PPFIA2: variants seen among roughly 807,000 people sequenced by gnomAD.
The protein encoded by PPFIA2 is PPFI scaffold protein A2.
A neutral mutation model predicts 175.5 loss-of-function variants in PPFIA2; 46 were observed. That is an observed-to-expected ratio of 0.26 (90% CI 0.21 to 0.34). PPFIA2 has a LOEUF of 0.34. Among genes scored for constraint, PPFIA2 ranks in the 10% least tolerant of loss-of-function variants. The pLI is 1.00. For missense variants in PPFIA2, 1,179 were observed against 1,506.1 expected (o/e 0.78, Z 3.60); for synonymous variants, 568 against 511.4 (o/e 1.11, Z -1.49).
intron 4 of PPFIA2, among the ~76,000 whole-genome samples, chr12:81,627,274 C>T (rs1194168434): frequency 2.6e-5 from 4 of 151,942 alleles, no homozygotes; most frequent in Non-Finnish European, 4.4e-5. Flanking sequence ...TTCAACATAA[C>T]TAGAGGAGTG....
intron 3 of PPFIA2, among the ~76,000 whole-genome samples, chr12:81,738,536 G>A (rs1308327394): frequency 2.0e-5 from 3 of 151,710 alleles, no homozygotes; most frequent in Non-Finnish European, 4.4e-5. Context: ...ATAAGGCAGG[G>A]AAAGTATACA....
chr12:81,594,058 C>T (rs1289679943), intron 4 of PPFIA2, among the ~76,000 whole-genome samples: 6 of 151,992 alleles, frequency 3.9e-5, no homozygotes, highest in African/African-American at 1.4e-4. Flanking sequence ...GAGTGTGAAC[C>T]CTATCGTGAA....
intron 3 of PPFIA2, among the ~76,000 whole-genome samples, chr12:81,740,500 T>G (rs917463190): frequency 2.6e-5 from 4 of 152,182 alleles, no homozygotes. Context: ...AAAGAAGATG[T>G]CCACAACCAC....
At chr12:81,698,968 ACTAT>A (rs150695424) in intron 3 of PPFIA2, among the ~76,000 whole-genome samples, 41 of 152,270 alleles carry the variant, frequency 2.7e-4, no homozygotes, top group African/African-American at 9.6e-4. Flanking sequence ...TAAGATTTTT[ACTAT>A]CTATGAGTAG....
intron 11 of PPFIA2, among the ~76,000 whole-genome samples, chr12:81,372,513 G>GAAAAAAAAAAAAAAAAAAGAAAAAAA (rs3075257): frequency 1.1e-5 from 1 of 93,632 alleles, no homozygotes; most frequent in Non-Finnish European, 2.6e-5. Context: ...AATTGAAACA[G>GAAAAAAAAAAAAAAAAAAGAAAAAAA]AAAAAAAAAA....
chr12:81,375,974 C>A (rs529538265), intron 9 of PPFIA2, 32 bp from the exon 10 acceptor site: 1 of 1,558,002 alleles, frequency 6.4e-7, no homozygotes, highest in Non-Finnish European at 8.8e-7. Context: ...AAAAGCAAAT[C>A]AGATTCTCAG....
intron 4 of PPFIA2, among the ~76,000 whole-genome samples, chr12:81,642,674 T>C (rs200173672): frequency 0.012 from 228 of 19,094 alleles, 40 homozygotes; most frequent in East Asian, 0.076. Context: ...TATACATACA[T>C]GTATGTATCT....
intron 17 of PPFIA2, among the ~76,000 whole-genome samples, chr12:81,351,471 C>A (rs76711049): frequency 6.6e-6 from 1 of 151,932 alleles, no homozygotes; most frequent in Non-Finnish European, 1.5e-5. Flanking sequence ...AATGTATTTT[C>A]ACTGATGTAA....
At chr12:81,361,972 T>C (rs2141212607) in intron 15 of PPFIA2, among the ~76,000 whole-genome samples, 1 of 150,004 alleles carries the variant, frequency 6.7e-6, no homozygotes, top group African/African-American at 2.4e-5. Flanking sequence ...TATTAACATA[T>C]AGATCTATCT....
At chr12:81,486,537 A>G (rs1156281162) in intron 4 of PPFIA2, among the ~76,000 whole-genome samples, 1 of 151,918 alleles carries the variant, frequency 6.6e-6, no homozygotes, top group Non-Finnish European at 1.5e-5. Flanking sequence ...TGATAAACAT[A>G]TGCCAATTTT....
In PPFIA2 at chr12:81,405,858, C is replaced by A; in HGVS notation, c.691G>T (p.Ala231Ser). Residue 231 changes from alanine to serine, a missense_variant, in exon 8 of 33, where the codon GCA becomes TCA. Around this residue, in one of 10 missense-constraint regions of PPFIA2, gnomAD observed 226 missense variants for 216.6 expected, o/e 1.04. Coordinates refer to ENST00000549396, the MANE Select transcript of PPFIA2 (RefSeq NM_003625.5). ...EQNVHIQRKM[A>S]SSEGSTESEH... Reference sequence around the variant, plus strand: ...GACTCTGTGGATCCCTCGCTTGATGCCATTTTTCTTTGTATATGAACATTT... The same window carrying A: ...GACTCTGTGGATCCCTCGCTTGATGACATTTTTCTTTGTATATGAACATTT... The A allele has an allele frequency of 6.3e-7, 1 of 1,579,110 alleles. No homozygotes were observed.
chr12:81,481,091 C>G (rs1428909371), intron 4 of PPFIA2, among the ~76,000 whole-genome samples: 1 of 152,058 alleles, frequency 6.6e-6, no homozygotes, highest in South Asian at 2.1e-4. Context: ...TTCCTATACA[C>G]CAATAATAGA....
At chr12:81,556,582 C>T (rs1404428713) in intron 4 of PPFIA2, among the ~76,000 whole-genome samples, 1 of 151,772 alleles carries the variant, frequency 6.6e-6, no homozygotes, top group African/African-American at 2.4e-5. Flanking sequence ...AAAAGTGGTG[C>T]TGGACATCAA....
chr12:81,729,590 T>C (rs970942802), intron 3 of PPFIA2, among the ~76,000 whole-genome samples: 1 of 151,568 alleles, frequency 6.6e-6, no homozygotes, highest in African/African-American at 2.4e-5. Flanking sequence ...GTGGAACCTG[T>C]GAATATGTTA....
At chr12:81,327,170 A>G (rs904487465) in intron 21 of PPFIA2, among the ~76,000 whole-genome samples, 60 of 152,118 alleles carry the variant, frequency 3.9e-4, no homozygotes, top group Non-Finnish European at 6.0e-4. Context: ...TTACTGAACT[A>G]TATAATTTTT....
intron 3 of PPFIA2, among the ~76,000 whole-genome samples, chr12:81,731,789 T>C (rs2080947935): frequency 2.0e-5 from 3 of 151,580 alleles, no homozygotes; most frequent in Admixed American, 6.6e-5. Context: ...AGGGGAATAA[T>C]AATAGTACCT....
intron 3 of PPFIA2, among the ~76,000 whole-genome samples, chr12:81,749,424 G>A (rs1212866136): frequency 7.0e-6 from 1 of 143,616 alleles, no homozygotes; most frequent in Non-Finnish European, 1.6e-5. Flanking sequence ...TGGACCCTCA[G>A]TGTATGCTAA....
chr12:81,431,588 A>G (rs537247150), intron 7 of PPFIA2, among the ~76,000 whole-genome samples: 5 of 152,306 alleles, frequency 3.3e-5, no homozygotes, highest in African/African-American at 9.6e-5. Context: ...CCATTACTAA[A>G]AGAACATAAG....
At chr12:81,564,923 A>G (rs1303183576) in intron 4 of PPFIA2, among the ~76,000 whole-genome samples, 1 of 152,196 alleles carries the variant, frequency 6.6e-6, no homozygotes, top group Non-Finnish European at 1.5e-5. Context: ...CTTATCATAC[A>G]AGTGGCTGAC....
Sources: allele counts gnomAD v4.1 joint callset (sites outside exome capture counted in the v4.1 genomes callset), GRCh38; gene constraint gnomAD v4.1.1; regional missense constraint gnomAD v4.1.1; transcripts MANE v1.5; gene names NCBI Gene and HGNC (gene_info 2026-07-23, HGNC 2026-07-21).